Variants in ZBTB1 observed in about 807,000 individuals in gnomAD.
The protein encoded by ZBTB1 is zinc finger and BTB domain-containing protein 1.
In ZBTB1, 13 loss-of-function variants were observed where a neutral mutation model predicts 51.6. The ratio of observed to expected loss-of-function variants is 0.25; its 90% CI spans 0.16 to 0.40. ZBTB1 has a LOEUF of 0.40. Ranked by LOEUF, ZBTB1 falls within the 10% of genes least tolerant of loss-of-function variation. ZBTB1 has a pLI of 1.00. For synonymous variants in ZBTB1, 240 were observed against 282.2 expected (o/e 0.85, Z 1.50); for missense variants, 567 against 856.5 (o/e 0.66, Z 4.22).
At position 64,531,953 on chromosome 14, in the gene ZBTB1, T is replaced by A. The variant is rs1304463668; in HGVS notation, c.*56T>A. The A allele has an allele frequency of 1.8e-5, 29 of 1,599,612 alleles. No individual in the cohort carries two copies. In the African/African-American group the frequency reaches 3.5e-4, roughly 19 times the overall value. On this transcript the variant is annotated 3_prime_UTR_variant, in exon 3 of 3. Transcript: ENST00000358738. ...GAATCAATCTTCAACAGATAATCTT[T>A]AAGTACAGACCCAGGAATATCAGAT...
intron 1 of ZBTB1, among the ~76,000 whole-genome samples, chr14:64,509,980 T>TAAAAAAA (rs368681831): frequency 2.2e-5 from 3 of 133,406 alleles, no homozygotes; most frequent in African/African-American, 5.5e-5. Context: ...CCGTCTCAAT[T>TAAAAAAA]AAAAAAAAAA....
chr14:64,531,821 A>G, intron 2 of ZBTB1: 1 of 1,612,732 alleles, frequency 6.2e-7, no homozygotes, highest in Non-Finnish European at 8.5e-7. Flanking sequence ...TCAACTTGTA[A>G]TATTATTTTT....
chr14:64,525,720 T>C (rs1440990571), downstream of ZBTB1, among the ~76,000 whole-genome samples: 1 of 152,242 alleles, frequency 6.6e-6, no homozygotes, highest in Non-Finnish European at 1.5e-5. Context: ...TACTAACAGC[T>C]AACAATTAGC....
At chr14:64,507,292 T>C (rs1403721738) in intron 1 of ZBTB1, among the ~76,000 whole-genome samples, 1 of 152,236 alleles carries the variant, frequency 6.6e-6, no homozygotes, top group African/African-American at 2.4e-5. Context: ...TATCTCATGC[T>C]AAAATGGTGA....
In ZBTB1 at chr14:64,522,972, T is replaced by C. The variant is rs758684871; in HGVS notation, c.1468T>C (p.Leu490=). 3.7e-6 allele frequency: 6 copies of C among 1,614,118 alleles called. No homozygotes were observed. In the South Asian group the frequency reaches 6.6e-5, roughly 18 times the overall value. ...GLGNTEEKMD[L]EENPDEQSEI... Reference sequence around the variant, plus strand: ...AGGAAATACTGAGGAGAAAATGGACTTGGAAGAGAATCCTGATGAGCAGTC... The same window carrying C: ...AGGAAATACTGAGGAGAAAATGGACCTGGAAGAGAATCCTGATGAGCAGTC... Residue 490 remains leucine (L), a synonymous_variant, in exon 2 of 2, where the codon TTG becomes CTG. Transcript: ENST00000683701.
upstream of ZBTB1, chr14:64,504,038 G>C (rs779584018): frequency 6.6e-6 from 1 of 152,328 alleles, no homozygotes; most frequent in Non-Finnish European, 1.5e-5. Flanking sequence ...GTGACCCGGG[G>C]ACTTTCCCCA....
chr14:64,506,677 T>A (rs1356273125), intron 1 of ZBTB1, among the ~76,000 whole-genome samples: 1 of 152,224 alleles, frequency 6.6e-6, no homozygotes, highest in Non-Finnish European at 1.5e-5. Context: ...AAGCAGGCTT[T>A]CTCCATTAAT....
In ZBTB1 at chr14:64,521,223, C is replaced by T. The variant is rs1036409039; in HGVS notation, c.-18-264C>T. 3.3e-5 allele frequency among the ~76,000 whole-genome samples: 5 copies of T among 152,104 alleles called. No individual in the cohort carries two copies. In the East Asian group the frequency reaches 9.6e-4, roughly 29 times the overall value. On this transcript the variant is annotated intron_variant, in intron 1 of 1. Transcript: ENST00000683701. ...TGTTCAAATTTAGTGTACATGTTCCCCCCAAGAGTTGTAATGAAACTAAAA... is the reference window on the plus strand; with the variant it reads ...TGTTCAAATTTAGTGTACATGTTCCTCCCAAGAGTTGTAATGAAACTAAAA...
chr14:64,503,856 TGTGC>T (rs527921312), upstream of ZBTB1: 137 of 152,482 alleles, frequency 9.0e-4, 1 homozygote, highest in Middle Eastern at 3.4e-3. Flanking sequence ...AGGGCCGGGG[TGTGC>T]GTGCGTGCGT....
At chr14:64,518,738 G>A (rs2079823725) in intron 1 of ZBTB1, among the ~76,000 whole-genome samples, 1 of 151,540 alleles carries the variant, frequency 6.6e-6, no homozygotes, top group Non-Finnish European at 1.5e-5. Context: ...TAAAAATTGA[G>A]GCTAAAATTT....
intron 1 of ZBTB1, among the ~76,000 whole-genome samples, chr14:64,512,079 T>C (rs1020139963): frequency 6.6e-6 from 1 of 152,230 alleles, no homozygotes; most frequent in Non-Finnish European, 1.5e-5. Context: ...TAAAATTCTA[T>C]AAACTGTAAT....
At position 64,521,663 on chromosome 14, in the gene ZBTB1, C is replaced by T. The variant is rs927869312; in HGVS notation, c.159C>T (p.Phe53=). The change falls in exon 2 of 2, where the codon TTC becomes TTT. Residue 53 remains phenylalanine (F), a synonymous_variant. Coordinates refer to ENST00000683701, the MANE Select transcript of ZBTB1 (RefSeq NM_001123329.2). ...GTAGCTCCTATTTTAGAATGTTTTT[C>T]ATGAACCATCAGCATAGTACTGCAC... ...AACSSYFRMF[F]MNHQHSTAQL... 3.7e-6 allele frequency: 6 copies of T among 1,614,200 alleles called. No individual in the cohort carries two copies. The highest frequency in any genetic ancestry group is 4.5e-5 in the East Asian group (2 of 44,890).
chr14:64,525,015 A>G (rs964797922), downstream of ZBTB1: 1 of 813,744 alleles, frequency 1.2e-6, no homozygotes, highest in South Asian at 5.6e-5. Flanking sequence ...ATTTTAATTA[A>G]CTCCTAATTT....
At chr14:64,512,372 C>G (rs573165762) in intron 1 of ZBTB1, among the ~76,000 whole-genome samples, 2 of 152,072 alleles carry the variant, frequency 1.3e-5, no homozygotes, top group East Asian at 3.9e-4. Flanking sequence ...ACAAGGAAAA[C>G]AAAGGCCATT....
rs2079878933 is a variant in ZBTB1 at position 64,523,439 on chromosome 14, A to G, written c.1935A>G (p.Arg645=). 1 of 1,614,094 alleles carries G rather than the reference A, an allele frequency of 6.2e-7. No individual in the cohort carries two copies. The highest frequency in any genetic ancestry group is 8.5e-7 in the Non-Finnish European group (1 of 1,180,014). The change falls in exon 2 of 2, where the codon AGA becomes AGG. Residue 645 remains arginine, a synonymous_variant. Coordinates refer to ENST00000683701, the MANE Select transcript of ZBTB1 (RefSeq NM_001123329.2). This position sits in a 1 kb window ranked among gnomAD's most constrained non-coding sequence, Gnocchi z 4.5. ...CCATTTGTGATCAAGGAAACTTCAG[A>G]AAACATGACCATGTACGGCATATGA... ...VCSICDQGNF[R]KHDHVRHMIS...
exon 3 of ZBTB1, chr14:64,533,569 T>C (rs1316423258): frequency 6.6e-6 from 1 of 152,546 alleles, no homozygotes; most frequent in African/African-American, 2.4e-5. Context: ...TTCTACAATG[T>C]GATTATTTTC....
chr14:64,509,955 T>G (rs1459926699), intron 1 of ZBTB1, among the ~76,000 whole-genome samples: 1 of 146,818 alleles, frequency 6.8e-6, no homozygotes, highest in Non-Finnish European at 1.5e-5. Flanking sequence ...CCAGCCTGGG[T>G]GACAGAGCGA....
intron 1 of ZBTB1, among the ~76,000 whole-genome samples, chr14:64,520,917 C>T (rs996449442): frequency 6.6e-6 from 1 of 151,066 alleles, no homozygotes; most frequent in Non-Finnish European, 1.5e-5. Context: ...GACTGGAGTG[C>T]AGTGGCGTGA....
intron 1 of ZBTB1, chr14:64,518,242 T>C (rs1485439112): frequency 6.6e-6 from 1 of 152,220 alleles, no homozygotes; most frequent in African/African-American, 2.4e-5. Context: ...AAGTAACTCA[T>C]TAATGACTAT....
Sources: gnomAD v4.1 joint callset for allele counts (sites outside exome capture counted in the v4.1 genomes callset) on GRCh38, gnomAD v4.1.1 for gene constraint, Gnocchi (gnomAD v3.1) non-coding constraint, MANE v1.5 for transcripts, NCBI Gene and HGNC (gene_info 2026-07-23, HGNC 2026-07-21) for gene names.